The following SYN2 variants were observed in gnomAD, a reference collection of about 807,000 sequenced individuals.
The protein encoded by SYN2 is synapsin II.
In SYN2, 19 loss-of-function variants were observed where a neutral mutation model predicts 50.9. That is an observed-to-expected ratio of 0.37 (90% confidence interval 0.26 to 0.55). SYN2 has a LOEUF of 0.55. SYN2 is among the 20% of genes least tolerant of loss of function. The pLI is 0.81. For missense variants in SYN2, 587 were observed against 576.4 expected (o/e 1.02, Z -0.19); for synonymous variants, 255 against 224.9 (o/e 1.13, Z -1.20).
chr3:12,099,479 G>T (rs1696018643), intron 1 of SYN2, among the ~76,000 whole-genome samples: 1 of 152,142 alleles, frequency 6.6e-6, no homozygotes. Context: ...AAGCAGGGAA[G>T]TTTGAAAATA....
At chr3:12,085,694 A>G (rs1306343242) in intron 1 of SYN2, among the ~76,000 whole-genome samples, 1 of 152,192 alleles carries the variant, frequency 6.6e-6, no homozygotes, top group Non-Finnish European at 1.5e-5. Flanking sequence ...AAAATAAAAA[A>G]TATTTTAAGA....
intron 1 of SYN2, among the ~76,000 whole-genome samples, chr3:12,005,402 G>T (rs1015147906): frequency 1.3e-5 from 2 of 151,778 alleles, no homozygotes; most frequent in East Asian, 1.9e-4. Context: ...GTGGTGGTGG[G>T]TTTTTTTTAA....
chr3:12,027,468 G>C (rs1694287211), intron 1 of SYN2, among the ~76,000 whole-genome samples: 1 of 152,164 alleles, frequency 6.6e-6, no homozygotes, highest in African/African-American at 2.4e-5. Flanking sequence ...GATCCTATGA[G>C]ATTCCTGTCC....
At chr3:12,024,717 G>A (rs986551278) in intron 1 of SYN2, among the ~76,000 whole-genome samples, 6 of 152,120 alleles carry the variant, frequency 3.9e-5, no homozygotes, top group Non-Finnish European at 7.3e-5. Flanking sequence ...CCCAGTTTGG[G>A]GCTACTGTGA....
chr3:12,023,361 T>TC (rs57136089), intron 1 of SYN2, among the ~76,000 whole-genome samples: 5,058 of 151,254 alleles, frequency 0.033, 138 homozygotes, highest in East Asian at 0.18. Flanking sequence ...AGTAGTATTT[T>TC]CCCCCCCCAC....
intron 2 of SYN2, 59 bp from the exon 3 acceptor site, chr3:12,141,846 A>T (rs965907392): frequency 9.0e-6 from 7 of 776,994 alleles, no homozygotes; most frequent in African/African-American, 1.7e-5. Context: ...TGCTGCTGCT[A>T]TGTAGAGGAC....
intron 1 of SYN2, among the ~76,000 whole-genome samples, chr3:12,066,965 A>G (rs1695229619): frequency 6.6e-6 from 1 of 152,154 alleles, no homozygotes; most frequent in Non-Finnish European, 1.5e-5. Flanking sequence ...ACATGGTGGC[A>G]GGAGAGTGAG....
At chr3:12,089,413 C>T (rs551490856) in intron 1 of SYN2, among the ~76,000 whole-genome samples, 2 of 152,322 alleles carry the variant, frequency 1.3e-5, no homozygotes, top group Admixed American at 1.3e-4. Context: ...CCCACTGGGT[C>T]CCTCCCAGGA....
intron 1 of SYN2, among the ~76,000 whole-genome samples, chr3:12,068,787 C>T (rs1695278165): frequency 6.6e-6 from 1 of 151,928 alleles, no homozygotes; most frequent in African/African-American, 2.4e-5. Flanking sequence ...AAAATATTTC[C>T]CACTTAAAGT....
chr3:12,095,584 C>T (rs930002361), intron 1 of SYN2, among the ~76,000 whole-genome samples: 2 of 116,224 alleles, frequency 1.7e-5, no homozygotes, highest in Admixed American at 9.3e-5. Flanking sequence ...GGACCATCAT[C>T]CCCCAGTTGG....
intron 5 of SYN2, chr3:12,158,682 C>G (rs1471919895): frequency 1.2e-6 from 2 of 1,609,078 alleles, no homozygotes; most frequent in Non-Finnish European, 1.7e-6. Context: ...TGCTGTGGAC[C>G]TCGCGGACCT....
chr3:12,168,617 T>C, intron 9 of SYN2, 139 bp downstream of exon 9: 1 of 719,950 alleles, frequency 1.4e-6, no homozygotes, highest in Non-Finnish European at 2.4e-6. Flanking sequence ...GTTTCTAACC[T>C]GCTAGGCTGA....
chr3:12,183,266 A>G, intron 10 of SYN2, 46 bp from the exon 11 acceptor site: 2 of 1,575,782 alleles, frequency 1.3e-6, no homozygotes, highest in Non-Finnish European at 1.7e-6. Context: ...TTTGGAATTC[A>G]GTGGCTTGGA....
chr3:12,181,170 T>C (rs1046552340), intron 10 of SYN2, among the ~76,000 whole-genome samples: 1 of 152,234 alleles, frequency 6.6e-6, no homozygotes, highest in Non-Finnish European at 1.5e-5. Context: ...CTGGTTCTGC[T>C]CTTATGCCAC....
At chr3:12,025,620 T>G (rs554961260) in intron 1 of SYN2, among the ~76,000 whole-genome samples, 3 of 152,270 alleles carry the variant, frequency 2.0e-5, no homozygotes, top group Admixed American at 6.5e-5. Context: ...ACATAGAAAC[T>G]ACAGTAGTCA....
At chr3:12,157,346 A>G in intron 5 of SYN2, 2 of 1,594,578 alleles carry the variant, frequency 1.3e-6, no homozygotes, top group Non-Finnish European at 1.7e-6. Flanking sequence ...TTTCTCCATC[A>G]GCCTTAGGGG....
intron 1 of SYN2, among the ~76,000 whole-genome samples, chr3:12,052,823 G>GC (rs1694897004): frequency 6.6e-6 from 1 of 152,080 alleles, no homozygotes. Context: ...TCTTAGCATT[G>GC]CCCTTGCAGT....
At chr3:12,046,167 A>G (rs910828439) in intron 1 of SYN2, among the ~76,000 whole-genome samples, 8 of 152,176 alleles carry the variant, frequency 5.3e-5, no homozygotes, top group African/African-American at 1.9e-4. Context: ...TGTTCAGTCA[A>G]CATTTGTTGA....
chr3:12,125,955 T>C (rs764778936), intron 1 of SYN2, among the ~76,000 whole-genome samples: 24 of 151,998 alleles, frequency 1.6e-4, no homozygotes, highest in Non-Finnish European at 3.4e-4. Context: ...AGGTAGGATA[T>C]GATGATGTCA....
Sources: gnomAD v4.1 joint callset for allele counts (sites outside exome capture counted in the v4.1 genomes callset) on GRCh38, gnomAD v4.1.1 for gene constraint, MANE v1.5 for transcripts, NCBI Gene and HGNC (gene_info 2026-07-23, HGNC 2026-07-21) for gene names.